The following MRTFB variants were observed in gnomAD, a reference collection of about 807,000 sequenced individuals.
MRTFB encodes myocardin-related transcription factor B.
MRTFB carries 29 observed loss-of-function variants against 104.2 expected under a neutral mutation model. That is an observed-to-expected ratio of 0.28 (90% CI 0.21 to 0.38). The LOEUF (loss-of-function observed/expected upper bound fraction) is 0.38, where lower values mean the gene tolerates loss of function less well. Ranked by LOEUF, MRTFB falls within the 10% of genes least tolerant of loss-of-function variation. The pLI, the probability that MRTFB is intolerant of heterozygous loss-of-function variation, is 1.00. For synonymous variants in MRTFB, 535 were observed against 519.5 expected (o/e 1.03, Z -0.41); for missense variants, 1,270 against 1,341.6 (o/e 0.95, Z 0.83).
Position 14,178,803 on chromosome 16 carries a change from A to T in MRTFB, c.155-31440A>T, listed in dbSNP as rs564593289. 3.9e-4 allele frequency among the ~76,000 whole-genome samples: 59 copies of T among 152,070 alleles called. 1 individual carries two copies. The highest frequency in any genetic ancestry group is 1.4e-3 in the African/African-American group (59 of 41,490). ...CTCACTTCGTCGACAAGGCTAGGATACAGTGGCCCCATTTCAGCTCACTGC... is the reference window on the plus strand; with the variant it reads ...CTCACTTCGTCGACAAGGCTAGGATTCAGTGGCCCCATTTCAGCTCACTGC... On this transcript the variant is annotated intron_variant, in intron 3 of 16. Coordinates refer to ENST00000571589, the MANE Select transcript of MRTFB (RefSeq NM_001308142.2).
chr16:14,206,011 G>T (rs904287282), intron 3 of MRTFB, among the ~76,000 whole-genome samples: 2 of 152,192 alleles, frequency 1.3e-5, no homozygotes, highest in African/African-American at 2.4e-5. Context: ...AGCACAATTT[G>T]TCAGGCAGTT....
At chr16:14,101,082 C>T (rs1305539538) in intron 2 of MRTFB, among the ~76,000 whole-genome samples, 2 of 142,432 alleles carry the variant, frequency 1.4e-5, no homozygotes, top group African/African-American at 2.6e-5. Flanking sequence ...TCACTGCTTT[C>T]TCTTTTCTGC....
chr16:14,184,496 A>G (rs1157722351), intron 3 of MRTFB, among the ~76,000 whole-genome samples: 1 of 152,176 alleles, frequency 6.6e-6, no homozygotes, highest in Non-Finnish European at 1.5e-5. Flanking sequence ...TGCTGGGATT[A>G]TAGGCGTGAC....
chr16:14,049,108 G>A, the MRTFB span, among the ~76,000 whole-genome samples: 2 of 152,166 alleles, frequency 1.3e-5, no homozygotes, highest in South Asian at 4.1e-4. Flanking sequence ...GGCGTCTAGT[G>A]GGTAGAGGCC....
chr16:14,143,868 T>C (rs747760046), intron 3 of MRTFB: 2 of 152,252 alleles, frequency 1.3e-5, no homozygotes, highest in Admixed American at 6.5e-5. Context: ...TAAAATGTTA[T>C]GATTACCTAG....
chr16:14,125,914 C>T (rs371184734), intron 2 of MRTFB, among the ~76,000 whole-genome samples: 26 of 152,284 alleles, frequency 1.7e-4, no homozygotes, highest in Admixed American at 1.3e-3. Context: ...AGCTGCCCTC[C>T]CTTTCCTTAG....
chr16:14,146,498 C>T (rs2038323987), intron 3 of MRTFB, among the ~76,000 whole-genome samples: 1 of 152,188 alleles, frequency 6.6e-6, no homozygotes, highest in Non-Finnish European at 1.5e-5. Flanking sequence ...GAAATGATCA[C>T]TTACTAGAGA....
chr16:14,034,930 C>G, the MRTFB span, among the ~76,000 whole-genome samples: 1 of 152,124 alleles, frequency 6.6e-6, no homozygotes, highest in African/African-American at 2.4e-5. Context: ...CTTGAGTGTC[C>G]GGGCCCCTAT....
chr16:14,063,424 G>T, the MRTFB span, among the ~76,000 whole-genome samples: 1 of 152,218 alleles, frequency 6.6e-6, no homozygotes, highest in South Asian at 2.1e-4. Flanking sequence ...ATGTCGACAG[G>T]GTTTGGTGTA....
intron 3 of MRTFB, among the ~76,000 whole-genome samples, chr16:14,149,830 G>A (rs2038522412): frequency 6.6e-6 from 1 of 152,282 alleles, no homozygotes; most frequent in East Asian, 1.9e-4. Context: ...GTGGATAACT[G>A]AAAAAGAAGA....
chr16:14,070,537 T>C (rs2033622526), upstream of MRTFB, among the ~76,000 whole-genome samples: 1 of 152,202 alleles, frequency 6.6e-6, no homozygotes, highest in Admixed American at 6.5e-5. Context: ...CACACAGTCT[T>C]CAGAGCTGCA....
At chr16:14,254,342 G>T (rs1378195609) in intron 15 of MRTFB, among the ~76,000 whole-genome samples, 1 of 152,240 alleles carries the variant, frequency 6.6e-6, no homozygotes, top group Non-Finnish European at 1.5e-5. Context: ...AGAGTAAATA[G>T]AAGCAGTCAT....
At chr16:14,033,462 G>T in the MRTFB span, among the ~76,000 whole-genome samples, 298 of 152,040 alleles carry the variant, frequency 2.0e-3, 3 homozygotes, top group African/African-American at 6.9e-3. Flanking sequence ...CGGGAGGATT[G>T]CTTGAGCCCA....
At chr16:14,074,662 A>T (rs188621431) in intron 1 of MRTFB, among the ~76,000 whole-genome samples, 51 of 152,314 alleles carry the variant, frequency 3.3e-4, no homozygotes, top group African/African-American at 9.9e-4. Flanking sequence ...GAATATGTAA[A>T]AATTATTACA....
chr16:14,024,012 C>T, the MRTFB span, among the ~76,000 whole-genome samples: 1 of 151,956 alleles, frequency 6.6e-6, no homozygotes. Context: ...GATCACACCA[C>T]TGCACTCCAG....
At chr16:14,057,832 TAA>T in the MRTFB span, among the ~76,000 whole-genome samples, 1 of 151,500 alleles carries the variant, frequency 6.6e-6, no homozygotes, top group African/African-American at 2.4e-5. Flanking sequence ...TATTCAAAAC[TAA>T]AGAGTCCAAC....
At chr16:14,143,769 T>G (rs990082801) in intron 3 of MRTFB, 28 of 152,192 alleles carry the variant, frequency 1.8e-4, no homozygotes, top group African/African-American at 5.8e-4. Flanking sequence ...AATACTTGTT[T>G]GATTTGTCAT....
intron 3 of MRTFB, among the ~76,000 whole-genome samples, chr16:14,205,473 A>G (rs755070933): frequency 3.3e-5 from 5 of 152,234 alleles, no homozygotes; most frequent in Non-Finnish European, 5.9e-5. Flanking sequence ...TGCTACCTGT[A>G]TGAGATATGC....
chr16:14,112,744 G>A (rs558897147), intron 2 of MRTFB, among the ~76,000 whole-genome samples: 7 of 152,306 alleles, frequency 4.6e-5, no homozygotes, highest in African/African-American at 1.7e-4. Context: ...CTTGGGGGCC[G>A]TTTGCACTTG....
Sources: allele counts gnomAD v4.1 joint callset (sites outside exome capture counted in the v4.1 genomes callset), GRCh38; gene constraint gnomAD v4.1.1; transcripts MANE v1.5; gene names NCBI Gene and HGNC (gene_info 2026-07-23, HGNC 2026-07-21).